Variants in TTC23L observed in about 807,000 individuals in gnomAD.
TTC23L encodes tetratricopeptide repeat protein 23-like.
Under a neutral mutation model 48.1 loss-of-function variants are expected in TTC23L, and 42 were observed. The observed-to-expected ratio is 0.87, with a 90% CI of 0.68 to 1.13. The LOEUF (loss-of-function observed/expected upper bound fraction) is 1.13. Among genes scored for constraint, TTC23L ranks in the 50% most tolerant of loss-of-function variants. The probability of loss-of-function intolerance (pLI) is 0.00; values close to 1 mark genes in which losing one functional copy is unlikely to be tolerated. For synonymous variants in TTC23L, 159 were observed against 157.2 expected, an observed-to-expected ratio of 1.01 and a Z score of -0.09; for missense variants, 391 against 421.0, an observed-to-expected ratio of 0.93 and a Z score of 0.62.
chr5:34,887,668 ATAAACT>A (rs1339990656), intron 9 of TTC23L, among the ~76,000 whole-genome samples: 4 of 152,222 alleles, frequency 2.6e-5, no homozygotes, highest in South Asian at 4.1e-4. Flanking sequence ...ATCAAGATTG[ATAAACT>A]TAAAAAGCTC....
the TTC23L span, chr5:34,916,087 TC>T: frequency 5.1e-6 from 3 of 590,302 alleles, no homozygotes; most frequent in South Asian, 1.1e-4. Context: ...GTGGCCGTCT[TC>T]CTGGAGGCGG....
At chr5:34,843,235 G>A (rs537475336) in intron 2 of TTC23L, among the ~76,000 whole-genome samples, 19 of 152,204 alleles carry the variant, frequency 1.2e-4, no homozygotes, top group Admixed American at 3.9e-4. Flanking sequence ...AATTTATATC[G>A]AACATTACTA....
intron 9 of TTC23L, chr5:34,888,339 T>G: frequency 4.2e-6 from 1 of 238,238 alleles, no homozygotes; most frequent in Non-Finnish European, 6.8e-6. Flanking sequence ...TGCAGGTGTT[T>G]GAAATGTAAA....
chr5:34,890,637 T>C (rs1033088869), intron 9 of TTC23L, among the ~76,000 whole-genome samples: 1 of 152,088 alleles, frequency 6.6e-6, no homozygotes, highest in African/African-American at 2.4e-5. Flanking sequence ...CCATTTTACA[T>C]GTGGGAAAAC....
intron 5 of TTC23L, 101 bp from the exon 6 acceptor site, chr5:34,864,336 T>G: frequency 7.1e-7 from 1 of 1,399,922 alleles, no homozygotes; most frequent in Non-Finnish European, 9.7e-7. Flanking sequence ...TTTTTAATAT[T>G]GCTTCACTTT....
chr5:34,909,074 TTC>T, the TTC23L span: 64 of 1,060,628 alleles, frequency 6.0e-5, no homozygotes, highest in East Asian at 5.6e-4. Flanking sequence ...TGCTAATATT[TTC>T]TGTTTTAAAA....
the TTC23L span, chr5:34,923,150 G>A: frequency 1.2e-6 from 2 of 1,613,630 alleles, no homozygotes; most frequent in Admixed American, 1.7e-5. Context: ...GTACACCACG[G>A]TATCATCCCA....
the TTC23L span, chr5:34,914,105 C>T: frequency 1.8e-4 from 75 of 415,076 alleles, no homozygotes; most frequent in Non-Finnish European, 2.9e-4. Flanking sequence ...TTAAAAAACG[C>T]TTAGTTGAAC....
the TTC23L span, chr5:34,921,264 G>A: frequency 1.3e-5 from 2 of 152,138 alleles, no homozygotes; most frequent in Non-Finnish European, 2.9e-5. Flanking sequence ...CTTCTCAAGT[G>A]TGACTTTTGT....
chr5:34,866,947 A>G (rs764814615), exon 7 of TTC23L: 6 of 1,610,020 alleles, frequency 3.7e-6, no homozygotes, highest in South Asian at 3.3e-5. Flanking sequence ...TGAAAAGGCA[A>G]TTGGCGATGT....
In TTC23L at chr5:34,861,923, T is replaced by C. The variant is rs370852524; in HGVS notation, c.380-975T>C. Among the ~76,000 whole-genome samples the C allele has an allele frequency of 9.2e-5, 14 of 152,242 alleles. No individual in the cohort carries two copies. The South Asian group carries it at 2.7e-3, about 29-fold the overall frequency. On this transcript the variant is annotated intron_variant, in intron 4 of 10. Transcript: ENST00000505624. ...CTGGACAAATAGCAGCTTGAGTAAG[T>C]GCCCAGGAACACCAGCAAAAAACAA...
At chr5:34,872,999 G>A (rs1279434998) in intron 8 of TTC23L, among the ~76,000 whole-genome samples, 1 of 151,866 alleles carries the variant, frequency 6.6e-6, no homozygotes, top group Non-Finnish European at 1.5e-5. Flanking sequence ...GGAGGCGGAA[G>A]TTGCAATGAG....
the TTC23L span, among the ~76,000 whole-genome samples, chr5:34,910,970 G>A: frequency 0.017 from 2,658 of 152,272 alleles, 39 homozygotes; most frequent in Non-Finnish European, 0.027. Flanking sequence ...AGCCAGCCTT[G>A]AGCAATCCTC....
At chr5:34,850,747 G>A (rs1184560151) in intron 4 of TTC23L, among the ~76,000 whole-genome samples, 1 of 152,098 alleles carries the variant, frequency 6.6e-6, no homozygotes, top group African/African-American at 2.4e-5. Context: ...TCAAGTTCCT[G>A]GAAGGTTTGG....
chr5:34,866,657 A>G lies in TTC23L; in HGVS notation c.663-235A>G, dbSNP rs570100910. On this transcript the variant is annotated intron_variant, in intron 6 of 10. Transcript: ENST00000505624. ...ATTTTTCCATTTGCTTTTTAAAAAAAATTAGACAACAGCACGACATAGTAA... is the reference window on the plus strand; with the variant it reads ...ATTTTTCCATTTGCTTTTTAAAAAAGATTAGACAACAGCACGACATAGTAA... Among the ~76,000 whole-genome samples, 78 of 152,352 alleles carry G rather than the reference A, an allele frequency of 5.1e-4. 1 individual carries two copies. The South Asian group carries it at 0.016, about 30-fold the overall frequency.
the TTC23L span, chr5:34,914,065 A>G: frequency 2.2e-6 from 1 of 454,318 alleles, no homozygotes; most frequent in Non-Finnish European, 4.4e-6. Context: ...TTACCTCTCT[A>G]TCCCTGAGAT....
In TTC23L at chr5:34,898,703, CTG is replaced by C. The variant is rs1220538373; in HGVS notation, c.*98-685_*98-684del. On this transcript the variant is annotated intron_variant, in intron 10 of 10. Coordinates refer to ENST00000505624, the Ensembl canonical transcript of TTC23L. ...TACAGTCCAGTAATAGAGAATGAGC[CTG>C]TCTTTAGTGCAACTTGCATAGAAAC... is the stretch of plus-strand genomic sequence containing the variant. Among the ~76,000 whole-genome samples, 5 of 152,292 alleles carry C rather than the reference CTG, an allele frequency of 3.3e-5. No individual in the cohort carries two copies. The East Asian group carries it at 9.6e-4, about 29-fold the overall frequency.
At chr5:34,895,203 A>AAGTT (rs1172686999) in intron 9 of TTC23L, among the ~76,000 whole-genome samples, 3 of 152,212 alleles carry the variant, frequency 2.0e-5, no homozygotes, top group Non-Finnish European at 4.4e-5. Flanking sequence ...ACTACATTTA[A>AAGTT]AGTTAGACAT....
chr5:34,922,345 C>T, the TTC23L span: 3 of 1,145,432 alleles, frequency 2.6e-6, no homozygotes, highest in Non-Finnish European at 3.9e-6. Flanking sequence ...GTTCTTTGTA[C>T]CTTTTATGTT....
Sources: allele counts gnomAD v4.1 joint callset (sites outside exome capture counted in the v4.1 genomes callset), GRCh38; gene constraint gnomAD v4.1.1; transcripts MANE v1.5; gene names NCBI Gene and HGNC (gene_info 2026-07-23, HGNC 2026-07-21).